The following JADE2 variants were observed in gnomAD, a reference collection of about 807,000 sequenced individuals.
The protein encoded by JADE2 is E3 ubiquitin-protein ligase Jade-2.
A neutral mutation model predicts 85.7 loss-of-function variants in JADE2; 13 were observed. The observed-to-expected ratio is 0.15, with a 90% confidence interval of 0.10 to 0.24. JADE2 has a LOEUF of 0.24. Ranked by LOEUF, JADE2 falls within the 10% of genes least tolerant of loss-of-function variation. The pLI, the probability that JADE2 is intolerant of heterozygous loss-of-function variation, is 1.00. For missense variants in JADE2, 846 were observed against 1,115.9 expected, an observed-to-expected ratio of 0.76 and a Z score of 3.45; for synonymous variants, 440 against 456.1, an observed-to-expected ratio of 0.96 and a Z score of 0.45.
chr5:134,560,131 G>A, intron 5 of JADE2, 141 bp downstream of exon 5: 7 of 919,074 alleles, frequency 7.6e-6, no homozygotes, highest in Non-Finnish European at 1.1e-5. Context: ...TACTGAATGG[G>A]GACCTCACTG....
intron 3 of JADE2, among the ~76,000 whole-genome samples, chr5:134,541,668 G>A (rs189516417): frequency 1.2e-4 from 19 of 152,300 alleles, no homozygotes; most frequent in Admixed American, 1.1e-3. Context: ...CATGGAACTC[G>A]TGGTTCACTT....
In JADE2 at chr5:134,579,334, T is replaced by A. The variant is rs951340990; in HGVS notation, c.*17T>A. ...GCCTCCTAACTCACCCCCTTCCCTG[T>A]CCCAGGCCCTGCCCTGGTCCCCCCA... On this transcript the variant is annotated 3_prime_UTR_variant, in exon 12 of 12. Coordinates refer to ENST00000681547, the MANE Select transcript of JADE2 (RefSeq NM_001388185.1). The surrounding 1 kb of genome is among the most constrained non-coding windows in gnomAD (Gnocchi z 4.6). 6.5e-7 allele frequency: 1 copy of A among 1,542,376 alleles called. No individual in the cohort carries two copies. Among genetic ancestry groups the A allele is most frequent in the Non-Finnish European group, 8.7e-7 (1 of 1,143,866 alleles).
intron 1 of JADE2, chr5:134,533,696 G>T: frequency 6.3e-6 from 2 of 318,134 alleles, no homozygotes; most frequent in Non-Finnish European, 9.1e-6. Context: ...GCTAGAATCA[G>T]GAGTCAGGAT....
intron 1 of JADE2, among the ~76,000 whole-genome samples, chr5:134,528,257 A>C (rs1266980694): frequency 6.6e-6 from 1 of 152,146 alleles, no homozygotes. Flanking sequence ...GACATTTGGC[A>C]AAAGGGCTCG....
intron 1 of JADE2, among the ~76,000 whole-genome samples, chr5:134,532,603 ATCT>A (rs763354732): frequency 2.6e-5 from 4 of 152,302 alleles, no homozygotes; most frequent in South Asian, 4.1e-4. Flanking sequence ...TGACACTGAA[ATCT>A]TCTCCCACAG....
chr5:134,576,128 G>C (rs920291074), intron 10 of JADE2, among the ~76,000 whole-genome samples: 2 of 152,160 alleles, frequency 1.3e-5, no homozygotes, highest in Non-Finnish European at 2.9e-5. Context: ...GAGCCTGGGA[G>C]GTCAAGGCTG....
At chr5:134,577,901 A>G (rs1177973474) in intron 11 of JADE2, among the ~76,000 whole-genome samples, 1 of 151,998 alleles carries the variant, frequency 6.6e-6, no homozygotes, top group Non-Finnish European at 1.5e-5. Context: ...TTCGTACCTG[A>G]TCCCTTTATC....
In JADE2 at chr5:134,573,726, C is replaced by T. The variant is rs1021931042; in HGVS notation, c.1516C>T (p.Leu506=). 3.1e-6 allele frequency: 5 copies of T among 1,613,492 alleles called. No homozygotes were observed. Among genetic ancestry groups the T allele is most frequent in the Middle Eastern group, 1.6e-4 (1 of 6,062 alleles). Residue 506 remains leucine, a synonymous_variant, in exon 10 of 12, where the codon CTG becomes TTG. Transcript: ENST00000681547. ...CAAACTCCAGGAGCAGATATTCCAC[C>T]TGCAGATGAAACTTATTGAACAGGA... ...ICKLQEQIFH[L]QMKLIEQDLC... is the part of the protein sequence containing the mutation.
intron 4 of JADE2, among the ~76,000 whole-genome samples, chr5:134,554,977 G>T (rs1184688213): frequency 1.3e-5 from 2 of 152,182 alleles, no homozygotes; most frequent in Non-Finnish European, 2.9e-5. Flanking sequence ...AAATTCTGGG[G>T]AATTCCCTGC....
At chr5:134,545,551 A>G (rs1015454976) in intron 3 of JADE2, among the ~76,000 whole-genome samples, 7 of 151,392 alleles carry the variant, frequency 4.6e-5, no homozygotes, top group African/African-American at 1.7e-4. Flanking sequence ...TGGCTGGGAA[A>G]CTCTTTATCA....
intron 2 of JADE2, among the ~76,000 whole-genome samples, chr5:134,537,525 C>T (rs1761670163): frequency 6.6e-6 from 1 of 152,196 alleles, no homozygotes; most frequent in South Asian, 2.1e-4. Flanking sequence ...TAGTAAGTGG[C>T]TGGGTCAGGG....
chr5:134,569,020 G>C (rs1763828913), intron 9 of JADE2, among the ~76,000 whole-genome samples: 2 of 152,236 alleles, frequency 1.3e-5, no homozygotes, highest in African/African-American at 4.8e-5. Flanking sequence ...TCCAGTTCCT[G>C]CACTCCCAGC....
intron 3 of JADE2, chr5:134,544,435 TATC>T (rs899724332): frequency 6.0e-6 from 1 of 167,000 alleles, no homozygotes; most frequent in South Asian, 2.1e-4. Flanking sequence ...TCAGAGCCCT[TATC>T]ATAGAGTTCT....
rs573339219 is a variant in JADE2 at position 134,576,759 on chromosome 5, C to G, written c.1553-9C>G. ...CATCTCCCTCCTCCTCTCACTTTCC[C>G]TGACACAGAGCGGTCTGGGAGGAGA... On this transcript the variant is annotated splice_polypyrimidine_tract_variant and intron_variant, in intron 10 of 11. Coordinates refer to ENST00000681547, the MANE Select transcript of JADE2 (RefSeq NM_001388185.1). The G allele has an allele frequency of 2.5e-5, 38 of 1,550,588 alleles. No individual in the cohort carries two copies. In the African/African-American group the frequency reaches 4.4e-4, roughly 18 times the overall value.
intron 9 of JADE2, among the ~76,000 whole-genome samples, chr5:134,572,708 G>T (rs1215414776): frequency 6.6e-6 from 1 of 152,252 alleles, no homozygotes; most frequent in African/African-American, 2.4e-5. Flanking sequence ...GGCTTCAGAA[G>T]TGTGGCCTGC....
Position 134,562,190 on chromosome 5 carries a change from T to A in JADE2, c.685-10T>A. 6.2e-7 allele frequency: 1 copy of A among 1,600,646 alleles called. No homozygotes were observed. Reference sequence around the variant, plus strand: ...TTCCGCTGACTCATGACCACCCTGCTCTCTCCTAGGCATGCTACGGGATCC... The same window carrying A: ...TTCCGCTGACTCATGACCACCCTGCACTCTCCTAGGCATGCTACGGGATCC... On this transcript the variant is annotated splice_polypyrimidine_tract_variant and intron_variant, in intron 6 of 11. Coordinates refer to ENST00000681547, the MANE Select transcript of JADE2 (RefSeq NM_001388185.1). The surrounding 1 kb of genome is among the most constrained non-coding windows in gnomAD (Gnocchi z 4.6).
At position 134,566,912 on chromosome 5, in the gene JADE2, C is replaced by T. The variant is rs952385140; in HGVS notation, c.1434+332C>T. 6.6e-6 allele frequency among the ~76,000 whole-genome samples: 1 copy of T among 152,232 alleles called. No homozygotes were observed. The highest frequency in any genetic ancestry group is 2.4e-5 in the African/African-American group (1 of 41,452). ...ACCAGAGCTAGGGCGAGGACCTAGG[C>T]TTCTGGCACTTGCTTGCCTCTGTGG... On this transcript the variant is annotated intron_variant, in intron 9 of 11. Transcript: ENST00000681547. This position sits in a 1 kb window ranked among gnomAD's most constrained non-coding sequence, Gnocchi z 6.7.
In JADE2 at chr5:134,579,587, T is replaced by G; in HGVS notation, c.*270T>G. The G allele has an allele frequency of 2.4e-6, 1 of 424,376 alleles. No individual in the cohort carries two copies. Among genetic ancestry groups the G allele is most frequent in the Non-Finnish European group, 4.2e-6 (1 of 236,080 alleles). 26.3% of individuals were successfully genotyped at this position (424,376 alleles called of 1,614,324 possible). A position where few individuals can be genotyped will look rare whatever the true frequency, so the allele number is the denominator to read the frequency against. On this transcript the variant is annotated 3_prime_UTR_variant, in exon 12 of 12. Coordinates refer to ENST00000681547, the MANE Select transcript of JADE2 (RefSeq NM_001388185.1). This position sits in a 1 kb window ranked among gnomAD's most constrained non-coding sequence, Gnocchi z 4.6. Reference sequence around the variant, plus strand: ...CCATCCCTGCCCTGCCCACGTGGTATTGCTGGGCTCCTGGCTAGATGCAAG... The same window carrying G: ...CCATCCCTGCCCTGCCCACGTGGTAGTGCTGGGCTCCTGGCTAGATGCAAG...
At chr5:134,551,147 T>C (rs1339449697) in intron 3 of JADE2, among the ~76,000 whole-genome samples, 1 of 152,204 alleles carries the variant, frequency 6.6e-6, no homozygotes, top group East Asian at 1.9e-4. Context: ...GGGGTGCAGA[T>C]AGATAACATG....
Sources: allele counts gnomAD v4.1 joint callset (sites outside exome capture counted in the v4.1 genomes callset), GRCh38; gene constraint gnomAD v4.1.1; non-coding constraint Gnocchi (gnomAD v3.1); transcripts MANE v1.5; gene names NCBI Gene and HGNC (gene_info 2026-07-23, HGNC 2026-07-21).